Variants in PCDH15 observed in about 807,000 individuals in gnomAD.
The protein encoded by PCDH15 is protocadherin-15.
Under a neutral mutation model 178.5 loss-of-function variants are expected in PCDH15, and 129 were observed. The ratio of observed to expected loss-of-function variants is 0.72; its 90% CI spans 0.63 to 0.84. The LOEUF (loss-of-function observed/expected upper bound fraction) is 0.84. Ranked by LOEUF, PCDH15 falls within the 40% of genes least tolerant of loss-of-function variation. The probability of loss-of-function intolerance (pLI) is 0.00; values close to 1 mark genes in which losing one functional copy is unlikely to be tolerated. For missense variants in PCDH15, 2,230 were observed against 2,099.9 expected (o/e 1.06, Z -1.21); for synonymous variants, 800 against 732.0 (o/e 1.09, Z -1.50).
intron 2 of PCDH15, among the ~76,000 whole-genome samples, chr10:55,622,360 T>C (rs112261345): frequency 3.4e-4 from 51 of 151,474 alleles, no homozygotes; most frequent in African/African-American, 1.1e-3. Context: ...CTTTCACTTC[T>C]TCTCTTCATT....
chr10:54,871,491 T>C (rs1167156775), intron 3 of PCDH15, among the ~76,000 whole-genome samples: 2 of 151,124 alleles, frequency 1.3e-5, no homozygotes, highest in African/African-American at 4.9e-5. Flanking sequence ...TGGAATCTTA[T>C]GGAGAATATG....
chr10:55,101,534 G>T (rs1842577078), intron 2 of PCDH15, among the ~76,000 whole-genome samples: 2 of 151,860 alleles, frequency 1.3e-5, no homozygotes, highest in Non-Finnish European at 2.9e-5. Flanking sequence ...TCTGGATGTG[G>T]GAATAAGTGT....
chr10:55,502,919 C>T (rs1221994023), intron 2 of PCDH15, among the ~76,000 whole-genome samples: 2 of 151,454 alleles, frequency 1.3e-5, no homozygotes, highest in African/African-American at 4.8e-5. Context: ...AATAAATTAA[C>T]TGCTTATCAA....
chr10:55,304,262 T>C (rs1342432342), intron 1 of PCDH15, among the ~76,000 whole-genome samples: 2 of 152,156 alleles, frequency 1.3e-5, no homozygotes, highest in Non-Finnish European at 2.9e-5. Flanking sequence ...AATAGGTTTT[T>C]GGGAGGTTTT....
At chr10:54,397,150 T>G (rs1025435830) in intron 3 of PCDH15, among the ~76,000 whole-genome samples, 1 of 152,082 alleles carries the variant, frequency 6.6e-6, no homozygotes, top group Non-Finnish European at 1.5e-5. Flanking sequence ...TTAGAGTGTT[T>G]ACTTCAGAAA....
chr10:54,801,832 A>G (rs886597282), upstream of PCDH15, among the ~76,000 whole-genome samples: 8 of 152,252 alleles, frequency 5.3e-5, no homozygotes, highest in South Asian at 2.1e-4. Context: ...TACTATACAA[A>G]ACATTATAGC....
intron 13 of PCDH15, among the ~76,000 whole-genome samples, chr10:54,181,684 A>G (rs879612467): frequency 1.3e-5 from 2 of 152,216 alleles, no homozygotes; most frequent in Non-Finnish European, 2.9e-5. Context: ...CTGAAATCAA[A>G]TGCTTTAAAA....
At chr10:55,042,857 G>T (rs901161339) in intron 2 of PCDH15, among the ~76,000 whole-genome samples, 18 of 151,978 alleles carry the variant, frequency 1.2e-4, no homozygotes, top group African/African-American at 4.1e-4. Context: ...AATACATTTT[G>T]ATCTTTTAAG....
At chr10:53,926,729 A>G (rs117178708) in intron 25 of PCDH15, among the ~76,000 whole-genome samples, 162 of 152,328 alleles carry the variant, frequency 1.1e-3, no homozygotes, top group Non-Finnish European at 1.8e-3. Context: ...CTCAGAATAA[A>G]TTGCTTCAAA....
chr10:54,421,804 T>A (rs1484321488), intron 3 of PCDH15, among the ~76,000 whole-genome samples: 1 of 109,468 alleles, frequency 9.1e-6, no homozygotes, highest in Non-Finnish European at 1.8e-5. Flanking sequence ...TATAGGTACA[T>A]GTGTAGTGTG....
At chr10:55,614,053 G>A (rs1843426103) in intron 2 of PCDH15, among the ~76,000 whole-genome samples, 1 of 151,586 alleles carries the variant, frequency 6.6e-6, no homozygotes. Flanking sequence ...GACGGAGCTT[G>A]CAGTGAGCTG....
At chr10:54,257,111 T>A (rs2056962466) in intron 8 of PCDH15, among the ~76,000 whole-genome samples, 1 of 151,966 alleles carries the variant, frequency 6.6e-6, no homozygotes, top group African/African-American at 2.4e-5. Flanking sequence ...AGATATAGTG[T>A]GTATGTATCT....
intron 3 of PCDH15, 87 bp from the exon 4 acceptor site, chr10:54,379,029 C>T (rs957943562): frequency 1.4e-6 from 2 of 1,468,664 alleles, no homozygotes; most frequent in Admixed American, 3.4e-5. Flanking sequence ...GCGGCTGGCT[C>T]ACAATCAGTT....
At chr10:55,535,455 G>A (rs1457958520) in intron 2 of PCDH15, among the ~76,000 whole-genome samples, 1 of 151,944 alleles carries the variant, frequency 6.6e-6, no homozygotes, top group Non-Finnish European at 1.5e-5. Flanking sequence ...TATTTGTAAA[G>A]TCTACACTTG....
At chr10:53,949,200 T>C (rs748524307) in intron 23 of PCDH15, among the ~76,000 whole-genome samples, 5 of 152,182 alleles carry the variant, frequency 3.3e-5, no homozygotes, top group Admixed American at 6.5e-5. Context: ...TAATGAAAGA[T>C]TGTCAGAATC....
At chr10:53,876,329 G>C (rs769324558) in intron 26 of PCDH15, among the ~76,000 whole-genome samples, 17 of 151,816 alleles carry the variant, frequency 1.1e-4, no homozygotes, top group South Asian at 4.2e-4. Context: ...CTGGGACTAC[G>C]GGCACCCACC....
At chr10:55,285,379 C>T (rs1291183242) in intron 1 of PCDH15, among the ~76,000 whole-genome samples, 4 of 151,220 alleles carry the variant, frequency 2.6e-5, no homozygotes, top group African/African-American at 9.7e-5. Context: ...CACATAGGTA[C>T]ATATATTATT....
intron 2 of PCDH15, among the ~76,000 whole-genome samples, chr10:54,939,525 C>CAAAAAAAAAAAAAAAA (rs1732851562): frequency 2.6e-5 from 2 of 78,200 alleles, no homozygotes; most frequent in Non-Finnish European, 6.2e-5. Context: ...AAAAAAAAAT[C>CAAAAAAAAAAAAAAAA]AGTGATGTAA....
At chr10:53,998,945 G>C (rs368141398) in intron 20 of PCDH15, among the ~76,000 whole-genome samples, 1 of 150,968 alleles carries the variant, frequency 6.6e-6, no homozygotes, top group African/African-American at 2.4e-5. Context: ...CCAGCTACTC[G>C]AGAGGCTGAG....
Sources: gnomAD v4.1 joint callset for allele counts (sites outside exome capture counted in the v4.1 genomes callset) on GRCh38, gnomAD v4.1.1 for gene constraint, MANE v1.5 for transcripts, NCBI Gene and HGNC (gene_info 2026-07-23, HGNC 2026-07-21) for gene names.